Variants in EEIG1 observed in about 807,000 individuals in gnomAD.
EEIG1 encodes the protein early estrogen-induced gene 1 protein.
the EEIG1 span, chr9:127,950,807 T>C: frequency 2.3e-5 from 18 of 784,008 alleles, no homozygotes; most frequent in African/African-American, 3.0e-4. Flanking sequence ...CCGGGGCCAG[T>C]GCGCCTGACA....
chr9:127,944,570 C>T, the EEIG1 span: 8 of 1,433,894 alleles, frequency 5.6e-6, no homozygotes, highest in Non-Finnish European at 7.8e-6. Flanking sequence ...GCTCTCACCC[C>T]CAAGCCCCAG....
the EEIG1 span, among the ~76,000 whole-genome samples, chr9:127,970,017 C>T: frequency 6.6e-6 from 1 of 152,144 alleles, no homozygotes; most frequent in African/African-American, 2.4e-5. Context: ...ATATTACAGG[C>T]CCCCAGAAGG....
the EEIG1 span, among the ~76,000 whole-genome samples, chr9:127,978,264 T>C: frequency 1.3e-5 from 2 of 152,226 alleles, no homozygotes; most frequent in African/African-American, 4.8e-5. Context: ...GTTTGACCTC[T>C]GGATTCAGCC....
the EEIG1 span, chr9:127,944,659 G>A: frequency 4.3e-6 from 7 of 1,612,766 alleles, no homozygotes; most frequent in Non-Finnish European, 5.9e-6. Flanking sequence ...AGCCATCGCG[G>A]CTCACGAACA....
At chr9:127,963,210 G>C in the EEIG1 span, among the ~76,000 whole-genome samples, 3 of 152,258 alleles carry the variant, frequency 2.0e-5, no homozygotes, top group African/African-American at 7.2e-5. Flanking sequence ...AAAAGGGTAT[G>C]GGTTAGGAAG....
At chr9:127,948,357 C>T in the EEIG1 span, 1 of 1,614,036 alleles carries the variant, frequency 6.2e-7, no homozygotes, top group Non-Finnish European at 8.5e-7. Context: ...TAGGCCTGTG[C>T]CAGCACTCAC....
chr9:127,952,984 C>A, the EEIG1 span, among the ~76,000 whole-genome samples: 1 of 152,118 alleles, frequency 6.6e-6, no homozygotes. Flanking sequence ...CCCAAAGTGC[C>A]AGGATTATAG....
At chr9:127,956,461 A>C in the EEIG1 span, among the ~76,000 whole-genome samples, 1 of 152,154 alleles carries the variant, frequency 6.6e-6, no homozygotes, top group Non-Finnish European at 1.5e-5. Flanking sequence ...CCCAGGCTGG[A>C]GTGCAAGGGC....
chr9:127,950,793 T>G, the EEIG1 span: 15 of 1,008,456 alleles, frequency 1.5e-5, no homozygotes, highest in Middle Eastern at 3.7e-4. Context: ...CGTCCCGGCG[T>G]GCACCGGGGC....
chr9:127,961,891 C>T, the EEIG1 span, among the ~76,000 whole-genome samples: 9 of 152,184 alleles, frequency 5.9e-5, no homozygotes, highest in Non-Finnish European at 1.2e-4. Flanking sequence ...GCGGAGGATG[C>T]CGGGGCAGGC....
At chr9:127,954,028 G>A in the EEIG1 span, 2 of 1,391,518 alleles carry the variant, frequency 1.4e-6, no homozygotes, top group South Asian at 2.5e-5. Flanking sequence ...CTGAGGCGGT[G>A]GGAAGCTCCA....
the EEIG1 span, chr9:127,943,744 G>C: frequency 7.7e-3 from 1,254 of 162,078 alleles, 15 homozygotes; most frequent in African/African-American, 0.029. Flanking sequence ...GCCAGGGAGG[G>C]GTGTGTTTAC....
chr9:127,972,871 C>A, the EEIG1 span, among the ~76,000 whole-genome samples: 1 of 152,318 alleles, frequency 6.6e-6, no homozygotes, highest in East Asian at 1.9e-4. The surrounding 1 kb of genome is among the most constrained non-coding windows in gnomAD (Gnocchi z 4.3). Context: ...TATGCAGACA[C>A]AGAAGCCAGC....
chr9:127,965,669 T>C, the EEIG1 span, among the ~76,000 whole-genome samples: 1 of 152,176 alleles, frequency 6.6e-6, no homozygotes, highest in Non-Finnish European at 1.5e-5. Flanking sequence ...GCAATCAGAG[T>C]TCCCGGCTGA....
chr9:127,970,464 T>C, the EEIG1 span, among the ~76,000 whole-genome samples: 3 of 145,994 alleles, frequency 2.1e-5, no homozygotes, highest in African/African-American at 5.5e-5. Flanking sequence ...TCAACGTTGT[T>C]TGTCAGACTG....
chr9:127,946,620 CG>C, the EEIG1 span, among the ~76,000 whole-genome samples: 2 of 152,238 alleles, frequency 1.3e-5, no homozygotes, highest in Non-Finnish European at 2.9e-5. Flanking sequence ...GCACCACCTG[CG>C]CTGGGGTGGC....
the EEIG1 span, among the ~76,000 whole-genome samples, chr9:127,949,443 G>T: frequency 6.6e-6 from 1 of 152,102 alleles, no homozygotes; most frequent in African/African-American, 2.4e-5. Context: ...GAGAGGGGAA[G>T]TGACTCCCAA....
At chr9:127,960,221 C>A in the EEIG1 span, among the ~76,000 whole-genome samples, 7 of 152,172 alleles carry the variant, frequency 4.6e-5, no homozygotes, top group Non-Finnish European at 1.0e-4. Context: ...GGGGAAGAGC[C>A]CTCCAGGTGA....
At chr9:127,944,269 G>A in the EEIG1 span, 458 of 392,622 alleles carry the variant, frequency 1.2e-3, 2 homozygotes, top group African/African-American at 8.4e-3. Flanking sequence ...CATTCTTCCC[G>A]AGTCCCTGGA....
Sources: allele counts gnomAD v4.1 joint callset (sites outside exome capture counted in the v4.1 genomes callset), GRCh38; gene constraint gnomAD v4.1.1; non-coding constraint Gnocchi (gnomAD v3.1); transcripts MANE v1.5; gene names NCBI Gene and HGNC (gene_info 2026-07-23, HGNC 2026-07-21).